Variants in ANO10 observed in about 807,000 individuals in gnomAD.
ANO10 encodes anoctamin 10, also known as anoctamin-10.
In ANO10, 77 loss-of-function variants were observed where a neutral mutation model predicts 74.7. The observed-to-expected ratio is 1.03, with a 90% CI of 0.86 to 1.25. The LOEUF is 1.25. ANO10 is among the 50% of genes most tolerant of loss of function. The pLI is 0.00. For missense variants in ANO10, 721 were observed against 778.1 expected (o/e 0.93, Z 0.87); for synonymous variants, 279 against 284.9 (o/e 0.98, Z 0.21).
At position 43,549,834 on chromosome 3, in the gene ANO10, C is replaced by A; in HGVS notation, c.1683G>T (p.Thr561=). 1 of 1,613,792 alleles carries A rather than the reference C, an allele frequency of 6.2e-7. No homozygotes were observed. The highest frequency in any genetic ancestry group is 1.3e-5 in the African/African-American group (1 of 74,988). The part of the protein sequence containing the change: ...NIGVWQLAFE[T]MSVISVVTNC... ...TAGTGACCACAGATATAACACTCAT[C>A]GTTTCAAAAGCCAACTAAAAGAAAA... The change falls in exon 11 of 13, where the codon ACG becomes ACT. Residue 561 remains threonine, a synonymous_variant. Transcript: ENST00000292246.
intron 11 of ANO10, among the ~76,000 whole-genome samples, chr3:43,476,646 T>C (rs575222464): frequency 2.0e-5 from 3 of 152,342 alleles, no homozygotes; most frequent in African/African-American, 7.2e-5. Context: ...ACTTTCCTTT[T>C]TCTTTGTAGT....
intron 1 of ANO10, chr3:43,652,887 G>C (rs955742655): frequency 1.3e-4 from 20 of 151,750 alleles, no homozygotes; most frequent in African/African-American, 4.8e-4. Context: ...TTAATATAGA[G>C]AGAGTATTTA....
intron 1 of ANO10, among the ~76,000 whole-genome samples, chr3:43,669,104 T>C (rs2084025429): frequency 6.6e-6 from 1 of 152,072 alleles, no homozygotes; most frequent in South Asian, 2.1e-4. Context: ...GCTTCTCAGT[T>C]TTTTTTCCTC....
At chr3:43,479,515 A>G (rs1341902412) in intron 11 of ANO10, among the ~76,000 whole-genome samples, 1 of 152,226 alleles carries the variant, frequency 6.6e-6, no homozygotes, top group Admixed American at 6.5e-5. Context: ...TGTGATTGGT[A>G]CATCTGCCCT....
intron 2 of ANO10, among the ~76,000 whole-genome samples, chr3:43,603,715 C>T (rs1322026090): frequency 1.3e-5 from 2 of 152,302 alleles, no homozygotes; most frequent in East Asian, 3.9e-4. Flanking sequence ...TTAGATGGAG[C>T]TCATCAAGGA....
intron 12 of ANO10, among the ~76,000 whole-genome samples, chr3:43,418,967 T>C (rs1028550761): frequency 1.3e-5 from 2 of 152,266 alleles, no homozygotes; most frequent in African/African-American, 4.8e-5. Context: ...TTAGCTGTGA[T>C]AGAGACTGGA....
intron 11 of ANO10, among the ~76,000 whole-genome samples, chr3:43,449,697 T>C (rs2074766167): frequency 6.6e-6 from 1 of 151,732 alleles, no homozygotes; most frequent in East Asian, 1.9e-4. Context: ...TACTGTAGCT[T>C]TACAGCAAGT....
intron 1 of ANO10, among the ~76,000 whole-genome samples, chr3:43,675,076 A>G (rs1393536109): frequency 6.6e-6 from 1 of 151,994 alleles, no homozygotes; most frequent in Non-Finnish European, 1.5e-5. Context: ...CTCACATACT[A>G]AATAAGAGCA....
intron 11 of ANO10, among the ~76,000 whole-genome samples, chr3:43,503,686 A>G (rs2077180867): frequency 6.6e-6 from 1 of 152,214 alleles, no homozygotes; most frequent in Non-Finnish European, 1.5e-5. Flanking sequence ...AAACCAAATA[A>G]AATAGTTTCA....
Position 43,501,110 on chromosome 3 carries a change from T to C in ANO10, c.1797+48610A>G, listed in dbSNP as rs146760595. On this transcript the variant is annotated intron_variant, in intron 11 of 12. Coordinates refer to ENST00000292246, the MANE Select transcript of ANO10 (RefSeq NM_018075.5). ...AAAGAAAAGAGGTTTATTTGTCTCA[T>C]GATTTTTCAGGCTGTACAAGAAGCA... Among the ~76,000 whole-genome samples, 114 of 152,348 alleles carry C rather than the reference T, an allele frequency of 7.5e-4. 1 individual carries two copies. Among genetic ancestry groups the C allele is most frequent in the African/African-American group, 2.6e-3 (110 of 41,580 alleles).
intron 11 of ANO10, among the ~76,000 whole-genome samples, chr3:43,508,925 C>G (rs2077403112): frequency 7.0e-6 from 1 of 143,342 alleles, no homozygotes; most frequent in Non-Finnish European, 1.5e-5. Flanking sequence ...CACATGTACC[C>G]TATAACTTAA....
intron 11 of ANO10, among the ~76,000 whole-genome samples, chr3:43,548,100 A>T (rs1047969120): frequency 3.9e-5 from 6 of 152,234 alleles, no homozygotes; most frequent in African/African-American, 1.4e-4. Flanking sequence ...ATCCACTGTT[A>T]CGGTATTGGT....
At chr3:43,400,235 C>T (rs1252856557) in intron 12 of ANO10, among the ~76,000 whole-genome samples, 1 of 151,518 alleles carries the variant, frequency 6.6e-6, no homozygotes, top group Non-Finnish European at 1.5e-5. Flanking sequence ...GTGGGGTATG[C>T]TCAAGTTAGG....
intron 1 of ANO10, among the ~76,000 whole-genome samples, chr3:43,643,840 C>A (rs1184323826): frequency 6.6e-6 from 1 of 151,660 alleles, no homozygotes; most frequent in East Asian, 1.9e-4. Flanking sequence ...CCCGCCACCA[C>A]GCCCAGCTAA....
intron 11 of ANO10, among the ~76,000 whole-genome samples, chr3:43,452,998 T>C (rs1196712210): frequency 6.6e-6 from 1 of 152,240 alleles, no homozygotes; most frequent in Non-Finnish European, 1.5e-5. Flanking sequence ...GAAATGTCTA[T>C]TCGGATCCTT....
At chr3:43,402,707 A>G (rs895685999) in intron 12 of ANO10, among the ~76,000 whole-genome samples, 1 of 152,030 alleles carries the variant, frequency 6.6e-6, no homozygotes, top group Non-Finnish European at 1.5e-5. Context: ...CCCACCAGCG[A>G]CCCTTAGCCA....
chr3:43,482,758 C>T (rs1207512847), intron 11 of ANO10, among the ~76,000 whole-genome samples: 1 of 152,196 alleles, frequency 6.6e-6, no homozygotes, highest in Non-Finnish European at 1.5e-5. Flanking sequence ...CAGACCAAAA[C>T]AGACTACTCT....
chr3:43,368,070 G>A (rs2091472921), intron 12 of ANO10, among the ~76,000 whole-genome samples: 1 of 152,146 alleles, frequency 6.6e-6, no homozygotes, highest in South Asian at 2.1e-4. Context: ...CAGCACCTCA[G>A]GAAGGTGCTC....
rs879371809 is a variant in ANO10, at chr3:43,480,989, A to AATAATACAATTACTAATTGT, written c.1798-48263_1798-48262insACAATTAGTAATTGTATTAT. Among the ~76,000 whole-genome samples, 921 of 152,110 alleles carry AATAATACAATTACTAATTGT rather than the reference A, an allele frequency of 6.1e-3. 5 individuals are homozygous for AATAATACAATTACTAATTGT. Among genetic ancestry groups the AATAATACAATTACTAATTGT allele is most frequent in the Non-Finnish European group, 9.7e-3 (661 of 67,994 alleles). On this transcript the variant is annotated intron_variant, in intron 11 of 12. Coordinates refer to ENST00000292246, the MANE Select transcript of ANO10 (RefSeq NM_018075.5). ...TTGTATTATTGTATAATAATTGTAT[A>AATAATACAATTACTAATTGT]ATAATACAATATACTAATTGTATAA...
Sources: allele counts gnomAD v4.1 joint callset (sites outside exome capture counted in the v4.1 genomes callset), GRCh38; gene constraint gnomAD v4.1.1; transcripts MANE v1.5; gene names NCBI Gene and HGNC (gene_info 2026-07-23, HGNC 2026-07-21).